The following LHFPL7 variants were observed in gnomAD, a reference collection of about 807,000 sequenced individuals.
The protein encoded by LHFPL7 is LHFPL tetraspan subfamily member 7 protein.
the LHFPL7 span, chr22:24,939,687 G>T: frequency 4.8e-6 from 3 of 626,740 alleles, no homozygotes; most frequent in Non-Finnish European, 8.6e-6. Flanking sequence ...TGAGCCTGGA[G>T]ATGCAAATGG....
At chr22:24,944,421 CG>C in the LHFPL7 span, among the ~76,000 whole-genome samples, 309 of 152,150 alleles carry the variant, frequency 2.0e-3, no homozygotes, top group Non-Finnish European at 2.9e-3. Flanking sequence ...GAGGGAGCCA[CG>C]TGGAGAGGTG....
At chr22:24,938,169 G>A in the LHFPL7 span, 4 of 1,614,158 alleles carry the variant, frequency 2.5e-6, no homozygotes, top group South Asian at 1.1e-5. Flanking sequence ...CTGCACCCCT[G>A]GCATTGGAAC....
At chr22:24,940,480 C>A in the LHFPL7 span, among the ~76,000 whole-genome samples, 7 of 151,108 alleles carry the variant, frequency 4.6e-5, no homozygotes, top group African/African-American at 1.7e-4. Flanking sequence ...CCTGTAGTCC[C>A]AGCTACTTGG....
At chr22:24,943,724 G>T in the LHFPL7 span, among the ~76,000 whole-genome samples, 1 of 152,118 alleles carries the variant, frequency 6.6e-6, no homozygotes, top group African/African-American at 2.4e-5. Flanking sequence ...AAAGGCCAAC[G>T]AACCCAACGG....
the LHFPL7 span, chr22:24,938,177 A>G: frequency 6.2e-7 from 1 of 1,614,220 alleles, no homozygotes. Flanking sequence ...CTGGCATTGG[A>G]ACACTGCTTC....
chr22:24,939,573 T>C, the LHFPL7 span: 1 of 701,842 alleles, frequency 1.4e-6, no homozygotes, highest in Non-Finnish European at 2.6e-6. Context: ...ACAGGGAAGA[T>C]TACTAATGGA....
At chr22:24,939,924 C>CTTTTTTTTTTTT in the LHFPL7 span, among the ~76,000 whole-genome samples, 131 of 86,964 alleles carry the variant, frequency 1.5e-3, 2 homozygotes, top group African/African-American at 5.2e-3. Context: ...TCATTTATCG[C>CTTTTTTTTTTTT]TTTTTTTTTT....
the LHFPL7 span, among the ~76,000 whole-genome samples, chr22:24,940,675 C>CCTTCCTTCCTTCCTTCCTTCCT: frequency 5.6e-5 from 1 of 17,910 alleles, no homozygotes; most frequent in Non-Finnish European, 1.6e-4. Context: ...CCTTCCTTCC[C>CCTTCCTTCCTTCCTTCCTTCCT]TCCTTCCTTC....
the LHFPL7 span, among the ~76,000 whole-genome samples, chr22:24,943,592 T>A: frequency 6.6e-6 from 1 of 152,168 alleles, no homozygotes. Context: ...TTATCACTGT[T>A]CCCATTTTAC....
chr22:24,940,421 G>C, the LHFPL7 span, among the ~76,000 whole-genome samples: 3 of 149,292 alleles, frequency 2.0e-5, no homozygotes, highest in Admixed American at 6.7e-5. Flanking sequence ...GTGAAACTCC[G>C]TCTCTACTAA....
chr22:24,940,954 C>T, the LHFPL7 span, among the ~76,000 whole-genome samples: 1 of 151,970 alleles, frequency 6.6e-6, no homozygotes, highest in African/African-American at 2.4e-5. Flanking sequence ...CGTTCCATCA[C>T]ATGTGGCTAA....
chr22:24,939,536 T>G, the LHFPL7 span: 1 of 702,742 alleles, frequency 1.4e-6, no homozygotes, highest in Non-Finnish European at 2.6e-6. Context: ...TGCTCAACAT[T>G]AGGCAGTATC....
the LHFPL7 span, among the ~76,000 whole-genome samples, chr22:24,942,652 C>G: frequency 6.6e-6 from 1 of 152,214 alleles, no homozygotes; most frequent in Non-Finnish European, 1.5e-5. Context: ...GGACCTGGGG[C>G]AAGTGGCTCT....
chr22:24,944,961 C>T, the LHFPL7 span, among the ~76,000 whole-genome samples: 1 of 152,064 alleles, frequency 6.6e-6, no homozygotes, highest in East Asian at 1.9e-4. Flanking sequence ...AGATGCGCAC[C>T]ACCACGCCCA....
chr22:24,942,562 C>G, the LHFPL7 span, among the ~76,000 whole-genome samples: 5 of 152,234 alleles, frequency 3.3e-5, no homozygotes, highest in Admixed American at 3.3e-4. Context: ...CTTTGGCCAT[C>G]TAAGCCCAGC....
At chr22:24,938,117 G>A in the LHFPL7 span, 1 of 1,602,000 alleles carries the variant, frequency 6.2e-7, no homozygotes, top group Admixed American at 1.7e-5. Context: ...TATGTCTAGA[G>A]CACTGACTAT....
the LHFPL7 span, chr22:24,938,228 G>C: frequency 1.2e-6 from 2 of 1,614,110 alleles, no homozygotes; most frequent in Non-Finnish European, 8.5e-7. Context: ...CCCAAGACAG[G>C]AGGAAAATTG....
At chr22:24,943,088 G>A in the LHFPL7 span, among the ~76,000 whole-genome samples, 1 of 151,866 alleles carries the variant, frequency 6.6e-6, no homozygotes, top group Non-Finnish European at 1.5e-5. Flanking sequence ...TTTTTATGGG[G>A]TTTTTTTGGT....
the LHFPL7 span, chr22:24,938,186 TCTC>T: frequency 6.2e-7 from 1 of 1,614,184 alleles, no homozygotes; most frequent in Non-Finnish European, 8.5e-7. Context: ...GAACACTGCT[TCTC>T]CTTGGGCACA....
Sources: gnomAD v4.1 joint callset for allele counts (sites outside exome capture counted in the v4.1 genomes callset) on GRCh38, gnomAD v4.1.1 for gene constraint, MANE v1.5 for transcripts, NCBI Gene and HGNC (gene_info 2026-07-23, HGNC 2026-07-21) for gene names.